KDM4C: variants seen among roughly 807,000 people sequenced by gnomAD.
The protein encoded by KDM4C is lysine demethylase 4C, also known as lysine-specific demethylase 4C.
Under a neutral mutation model 129.3 loss-of-function variants are expected in KDM4C, and 81 were observed. That is an observed-to-expected ratio of 0.63 (90% confidence interval 0.52 to 0.75). The LOEUF (loss-of-function observed/expected upper bound fraction) is 0.75. Among genes scored for constraint, KDM4C ranks in the 30% least tolerant of loss-of-function variants. KDM4C has a pLI of 0.00. For synonymous variants in KDM4C, 573 were observed against 456.1 expected (o/e 1.26, Z -3.26); for missense variants, 1,457 against 1,304.0 (o/e 1.12, Z -1.81).
At chr9:7,103,349 A>T (rs1328022814) in intron 17 of KDM4C, among the ~76,000 whole-genome samples, 13 of 152,164 alleles carry the variant, frequency 8.5e-5, no homozygotes, top group Admixed American at 8.5e-4. Flanking sequence ...TAGCTTCAAC[A>T]TTCATGGATT....
At chr9:6,885,963 A>G (rs570593221) in intron 6 of KDM4C, among the ~76,000 whole-genome samples, 5 of 152,244 alleles carry the variant, frequency 3.3e-5, no homozygotes, top group Non-Finnish European at 7.3e-5. Context: ...TATTGAAAGA[A>G]AATGGAATAG....
chr9:6,992,126 A>G (rs533679896), intron 12 of KDM4C, among the ~76,000 whole-genome samples: 4 of 152,198 alleles, frequency 2.6e-5, no homozygotes, highest in Admixed American at 2.0e-4. Flanking sequence ...TATAATGCTC[A>G]TGATTGTAAT....
intron 8 of KDM4C, among the ~76,000 whole-genome samples, chr9:6,908,178 A>G (rs1054628533): frequency 2.0e-5 from 3 of 152,190 alleles, no homozygotes; most frequent in Non-Finnish European, 4.4e-5. Flanking sequence ...TTCCCTTTAC[A>G]TTAGTTGTTT....
chr9:7,044,271 C>T (rs187670520), intron 15 of KDM4C, among the ~76,000 whole-genome samples: 11 of 151,912 alleles, frequency 7.2e-5, no homozygotes, highest in Non-Finnish European at 1.5e-4. Context: ...CAGGCTGGCT[C>T]TAAAGTGTTC....
chr9:7,076,523 T>G, intron 17 of KDM4C: 1 of 1,544,044 alleles, frequency 6.5e-7, no homozygotes, highest in Non-Finnish European at 8.7e-7. Context: ...ATTAGGAAAG[T>G]TACATCCCCT....
chr9:6,880,839 C>T (rs991150253), intron 6 of KDM4C, among the ~76,000 whole-genome samples: 2 of 152,102 alleles, frequency 1.3e-5, no homozygotes, highest in African/African-American at 4.8e-5. Context: ...CATCTACTTA[C>T]GTATGGGAAG....
Position 7,076,376 on chromosome 9 carries a change from CTA to C in KDM4C, c.2424+27179_2424+27180del, listed in dbSNP as rs1271830238. 4 of 1,235,200 alleles carry C rather than the reference CTA, an allele frequency of 3.2e-6. No homozygotes were observed. In the African/African-American group the frequency reaches 6.0e-5, roughly 18 times the overall value. The allele number at this position is 1,235,200 out of a possible 1,614,324, so 76.5% of individuals were successfully genotyped here. A position where few individuals can be genotyped will look rare whatever the true frequency, so the allele number is the denominator to read the frequency against. On this transcript the variant is annotated intron_variant, in intron 17 of 21. Transcript: ENST00000381309. The stretch of plus-strand genomic sequence containing the variant: ...CATGCTAAAGCCCATGCTATTTTCA[CTA>C]TAATTTATTAAAATCTGGCATATTG...
chr9:6,745,570 C>T (rs2130279573), intron 1 of KDM4C, among the ~76,000 whole-genome samples: 1 of 125,646 alleles, frequency 8.0e-6, no homozygotes, highest in African/African-American at 3.2e-5. Context: ...AGAATGTGGT[C>T]CTGTCTCCAA....
chr9:7,164,958 G>C (rs1009670150), intron 19 of KDM4C, among the ~76,000 whole-genome samples: 3 of 152,072 alleles, frequency 2.0e-5, no homozygotes, highest in African/African-American at 4.8e-5. Flanking sequence ...GCATATTTTA[G>C]TTACCCCCTA....
At chr9:6,837,935 G>A (rs1564129188) in intron 4 of KDM4C, among the ~76,000 whole-genome samples, 3 of 151,986 alleles carry the variant, frequency 2.0e-5, no homozygotes, top group Admixed American at 1.3e-4. Context: ...TCTATCCTCA[G>A]TATTGCTTAA....
At chr9:7,029,098 G>A (rs1248912963) in intron 15 of KDM4C, among the ~76,000 whole-genome samples, 2 of 152,140 alleles carry the variant, frequency 1.3e-5, no homozygotes, top group Non-Finnish European at 2.9e-5. Context: ...GATTCGTGGA[G>A]CCTTCTATTT....
rs571614977 is a variant in KDM4C at position 6,992,405 on chromosome 9, C to T, written c.1786+1881C>T. Among the ~76,000 whole-genome samples the T allele has an allele frequency of 7.2e-5, 11 of 152,274 alleles. No individual in the cohort carries two copies. The East Asian group carries it at 9.6e-4, about 13-fold the overall frequency. ...TTTGAGGTTACATATTTTGTAGAAACGATGATTGTAGCTTTTGCAACAGTC... is the reference window on the plus strand; with the variant it reads ...TTTGAGGTTACATATTTTGTAGAAATGATGATTGTAGCTTTTGCAACAGTC... On this transcript the variant is annotated intron_variant, in intron 12 of 21. Coordinates refer to ENST00000381309, the MANE Select transcript of KDM4C (RefSeq NM_015061.6).
chr9:6,757,368 G>A (rs1485679840), upstream of KDM4C, among the ~76,000 whole-genome samples: 1 of 152,210 alleles, frequency 6.6e-6, no homozygotes, highest in African/African-American at 2.4e-5. Flanking sequence ...GGGTGTAGGT[G>A]ACTCAACACC....
intron 16 of KDM4C, 93 bp from the exon 17 acceptor site, chr9:7,048,999 G>T: frequency 1.3e-6 from 1 of 791,998 alleles, no homozygotes; most frequent in Non-Finnish European, 2.2e-6. Context: ...TTGCTCATCT[G>T]TGTATTTCCC....
At chr9:7,021,868 C>T (rs1162581042) in intron 15 of KDM4C, among the ~76,000 whole-genome samples, 1 of 152,086 alleles carries the variant, frequency 6.6e-6, no homozygotes, top group East Asian at 1.9e-4. Flanking sequence ...CATTCATTTC[C>T]ATTTAAGTAT....
At chr9:7,055,513 A>G (rs1320252352) in intron 17 of KDM4C, among the ~76,000 whole-genome samples, 1 of 152,200 alleles carries the variant, frequency 6.6e-6, no homozygotes, top group Non-Finnish European at 1.5e-5. Flanking sequence ...CTGAGACCAT[A>G]CTATTCTGCT....
At chr9:7,070,131 C>G (rs1832994895) in intron 17 of KDM4C, among the ~76,000 whole-genome samples, 1 of 152,044 alleles carries the variant, frequency 6.6e-6, no homozygotes, top group South Asian at 2.1e-4. Flanking sequence ...GTGACATGGA[C>G]AAATTTCTTA....
intron 11 of KDM4C, among the ~76,000 whole-genome samples, chr9:6,987,994 CA>C (rs1273840629): frequency 9.8e-5 from 14 of 143,222 alleles, no homozygotes; most frequent in East Asian, 2.0e-4. Flanking sequence ...CCTGTGTCTA[CA>C]AAAAAAAAAT....
intron 1 of KDM4C, among the ~76,000 whole-genome samples, chr9:6,777,916 CTT>C (rs35889810): frequency 2.9e-5 from 4 of 137,632 alleles, no homozygotes; most frequent in Admixed American, 7.4e-5. Context: ...GTTTTCAGGC[CTT>C]TTTTTTTTTT....
Sources: gnomAD v4.1 joint callset for allele counts (sites outside exome capture counted in the v4.1 genomes callset) on GRCh38, gnomAD v4.1.1 for gene constraint, MANE v1.5 for transcripts, NCBI Gene and HGNC (gene_info 2026-07-23, HGNC 2026-07-21) for gene names.